The following GALNT13 variants were observed in gnomAD, a reference collection of about 807,000 sequenced individuals.
GALNT13 encodes the protein UDP-GalNAc:polypeptide N-acetylgalactosaminyltransferase 13.
GALNT13 carries 28 observed loss-of-function variants against 64.2 expected under a neutral mutation model. That is an observed-to-expected ratio of 0.44 (90% confidence interval 0.32 to 0.60). The LOEUF is 0.60. GALNT13 is among the 20% of genes least tolerant of loss of function. GALNT13 has a pLI of 0.05. For missense variants in GALNT13, 577 were observed against 669.8 expected (o/e 0.86, Z 1.53); for synonymous variants, 214 against 224.6 (o/e 0.95, Z 0.42).
chr2:153,911,045 A>G (rs1004908322), intron 2 of GALNT13, among the ~76,000 whole-genome samples: 2 of 152,128 alleles, frequency 1.3e-5, no homozygotes. Flanking sequence ...CTATTATTGC[A>G]TGGAAGTCGA....
intron 1 of GALNT13, among the ~76,000 whole-genome samples, chr2:153,883,487 A>G (rs1049375974): frequency 5.9e-5 from 9 of 152,084 alleles, no homozygotes; most frequent in African/African-American, 1.9e-4. Flanking sequence ...ATATGAAGAC[A>G]AACGTTATCT....
intron 3 of GALNT13, among the ~76,000 whole-genome samples, chr2:154,032,267 G>A (rs1698386426): frequency 6.6e-6 from 1 of 152,074 alleles, no homozygotes; most frequent in African/African-American, 2.4e-5. Flanking sequence ...TATAGGTTAT[G>A]TGAGTAGTCC....
At chr2:153,693,207 G>A in the GALNT13 span, among the ~76,000 whole-genome samples, 1 of 152,186 alleles carries the variant, frequency 6.6e-6, no homozygotes, top group Non-Finnish European at 1.5e-5. Flanking sequence ...TTATGTGGCA[G>A]TTAGGAGTGC....
At chr2:153,491,594 A>ATATTTATTTATTTATT in the GALNT13 span, among the ~76,000 whole-genome samples, 5 of 145,382 alleles carry the variant, frequency 3.4e-5, no homozygotes, top group African/African-American at 5.2e-5. Context: ...AAACCATATT[A>ATATTTATTTATTTATT]TATTTATTTA....
At chr2:153,624,922 T>C in the GALNT13 span, among the ~76,000 whole-genome samples, 3 of 152,090 alleles carry the variant, frequency 2.0e-5, no homozygotes, top group African/African-American at 7.2e-5. Context: ...ACAAAAAAGT[T>C]TCAAAACAGT....
At position 154,298,635 on chromosome 2, in the gene GALNT13, ATT is replaced by A. The variant is rs1693160077; in HGVS notation, c.976-2772_976-2771del. ...AATTTATATATACATTGTATATATAATTTATATATACATTGTATATACAATTT... is the reference window on the plus strand; with the variant it reads ...AATTTATATATACATTGTATATATAATATATATACATTGTATATACAATTT... On this transcript the variant is annotated intron_variant, in intron 8 of 12. Transcript: ENST00000392825. Among the ~76,000 whole-genome samples, 2 of 80,066 alleles carry A rather than the reference ATT, an allele frequency of 2.5e-5. 1 individual carries two copies. Among genetic ancestry groups the A allele is most frequent in the South Asian group, 7.6e-4 (2 of 2,628 alleles). 52.5% of individuals were successfully genotyped at this position (80,066 alleles called of 152,430 possible).
chr2:153,366,701 G>T, the GALNT13 span, among the ~76,000 whole-genome samples: 2 of 142,762 alleles, frequency 1.4e-5, 1 homozygote, highest in South Asian at 4.4e-4. Context: ...ATGAAACAGG[G>T]TCAATACCAG....
intron 3 of GALNT13, among the ~76,000 whole-genome samples, chr2:154,096,269 T>C (rs1373400580): frequency 6.6e-6 from 1 of 151,966 alleles, no homozygotes; most frequent in Admixed American, 6.6e-5. Flanking sequence ...TAGGTACATA[T>C]CCACTCCTCT....
chr2:153,180,017 A>G, the GALNT13 span, among the ~76,000 whole-genome samples: 1 of 152,038 alleles, frequency 6.6e-6, no homozygotes, highest in Non-Finnish European at 1.5e-5. Context: ...GATGCCTTTT[A>G]TTTCTTTCTA....
At chr2:153,189,819 T>C in the GALNT13 span, among the ~76,000 whole-genome samples, 2 of 152,180 alleles carry the variant, frequency 1.3e-5, no homozygotes, top group African/African-American at 4.8e-5. Context: ...AATATCTCAC[T>C]GTGGTTTTGA....
rs181031553 is a variant in GALNT13, at chr2:154,054,171, G to T, written c.143-86166G>T. 1.6e-3 allele frequency among the ~76,000 whole-genome samples: 240 copies of T among 152,038 alleles called. 1 individual carries two copies. The highest frequency in any genetic ancestry group is 5.2e-3 in the African/African-American group (215 of 41,536). On this transcript the variant is annotated intron_variant, in intron 3 of 12. Transcript: ENST00000392825. ...TTATCTTTTGAGTCTATATTATGCT[G>T]ATGGGAAGTTTTTCATATAGGATTG...
At chr2:154,342,584 AT>A (rs1695832204) in intron 9 of GALNT13, among the ~76,000 whole-genome samples, 2 of 152,020 alleles carry the variant, frequency 1.3e-5, no homozygotes, top group African/African-American at 4.8e-5. Context: ...TCAAATTCAG[AT>A]TTCAGTGTTC....
the GALNT13 span, among the ~76,000 whole-genome samples, chr2:153,125,875 A>G: frequency 6.6e-6 from 1 of 151,646 alleles, no homozygotes; most frequent in Non-Finnish European, 1.5e-5. Context: ...CTTGTTGACA[A>G]TGGGTTTATG....
chr2:153,590,465 TTCTC>T, the GALNT13 span, among the ~76,000 whole-genome samples: 1 of 109,852 alleles, frequency 9.1e-6, no homozygotes, highest in Non-Finnish European at 1.8e-5. Flanking sequence ...GAAGAGAGAA[TTCTC>T]TCTAATTCAA....
intron 3 of GALNT13, among the ~76,000 whole-genome samples, chr2:153,993,490 T>G (rs549623775): frequency 6.6e-6 from 1 of 151,890 alleles, no homozygotes; most frequent in South Asian, 2.1e-4. Flanking sequence ...GGTCAGGAGA[T>G]CGAGACCATC....
the GALNT13 span, among the ~76,000 whole-genome samples, chr2:153,540,899 G>A: frequency 2.0e-5 from 3 of 152,202 alleles, no homozygotes; most frequent in Non-Finnish European, 2.9e-5. Context: ...ATAGGCAGAA[G>A]GGACTTGCCT....
chr2:153,517,783 A>C, the GALNT13 span, among the ~76,000 whole-genome samples: 2 of 152,192 alleles, frequency 1.3e-5, no homozygotes, highest in Non-Finnish European at 2.9e-5. Context: ...ATGTGTGCTA[A>C]AATCAGTTGG....
chr2:154,269,926 T>TATATA (rs1356571076), intron 8 of GALNT13, among the ~76,000 whole-genome samples: 2 of 33,350 alleles, frequency 6.0e-5, no homozygotes, highest in African/African-American at 7.9e-5. Flanking sequence ...ATATATATAT[T>TATATA]TCTAAAGCAC....
chr2:153,471,216 A>G, the GALNT13 span, among the ~76,000 whole-genome samples: 2 of 152,322 alleles, frequency 1.3e-5, no homozygotes, highest in East Asian at 3.9e-4. Context: ...AAGATAGGAT[A>G]TTAGCACAGA....
Sources: gnomAD v4.1 joint callset for allele counts (sites outside exome capture counted in the v4.1 genomes callset) on GRCh38, gnomAD v4.1.1 for gene constraint, MANE v1.5 for transcripts, NCBI Gene and HGNC (gene_info 2026-07-23, HGNC 2026-07-21) for gene names.